SOBP: variants seen among roughly 807,000 people sequenced by gnomAD.
SOBP encodes the protein sine oculis binding protein homolog.
SOBP carries 4 observed loss-of-function variants against 53.6 expected under a neutral mutation model. That is an observed-to-expected ratio of 0.07 (90% CI 0.04 to 0.17). SOBP has a LOEUF of 0.17. Among genes scored for constraint, SOBP ranks in the 10% least tolerant of loss-of-function variants. SOBP has a pLI of 1.00. For synonymous variants in SOBP, 584 were observed against 522.6 expected, an observed-to-expected ratio of 1.12 and a Z score of -1.60; for missense variants, 1,088 against 1,204.7, an observed-to-expected ratio of 0.90 and a Z score of 1.43.
intron 4 of SOBP, among the ~76,000 whole-genome samples, chr6:107,573,497 CA>C (rs982223710): frequency 6.6e-6 from 1 of 152,106 alleles, no homozygotes; most frequent in Non-Finnish European, 1.5e-5. Flanking sequence ...ATCCTTGCAA[CA>C]AATTTCTGAA....
intron 1 of SOBP, among the ~76,000 whole-genome samples, chr6:107,500,428 A>G (rs1782807917): frequency 6.6e-6 from 1 of 152,062 alleles, no homozygotes; most frequent in Non-Finnish European, 1.5e-5. Flanking sequence ...CTTGGATGAT[A>G]ACGTTAAAAA....
chr6:107,546,148 A>G (rs1048154615), intron 4 of SOBP, among the ~76,000 whole-genome samples: 1 of 152,214 alleles, frequency 6.6e-6, no homozygotes, highest in East Asian at 1.9e-4. Flanking sequence ...GAAAGCAACC[A>G]AAAATAGTGA....
chr6:107,490,712 GGT>G lies in SOBP; in HGVS notation c.96+1_96+2del. The G allele has an allele frequency of 3.2e-6, 5 of 1,539,674 alleles. No individual in the cohort carries two copies. The highest frequency in any genetic ancestry group is 3.6e-6 in the Non-Finnish European group (4 of 1,118,734). On this transcript the variant is annotated splice_donor_variant, in intron 1 of 6. Coordinates refer to ENST00000317357, the MANE Select transcript of SOBP (RefSeq NM_018013.4). LOFTEE classifies it high-confidence loss of function. ...AAAGGGAGATCAATGAGGAGATGAAGGTATTTTTTGATCTCGGGGGCCAGGGA... is the reference window on the plus strand; with the variant it reads ...AAAGGGAGATCAATGAGGAGATGAAGATTTTTTGATCTCGGGGGCCAGGGA...
At chr6:107,627,638 AACAG>A (rs1470366643) in intron 5 of SOBP, among the ~76,000 whole-genome samples, 2 of 152,244 alleles carry the variant, frequency 1.3e-5, no homozygotes, top group African/African-American at 4.8e-5. Flanking sequence ...TACAAAGCAA[AACAG>A]ACAAACAAAC....
chr6:107,629,989 T>C (rs1204601774), intron 5 of SOBP, among the ~76,000 whole-genome samples: 1 of 152,232 alleles, frequency 6.6e-6, no homozygotes, highest in African/African-American at 2.4e-5. Flanking sequence ...TTCAGCTGTC[T>C]CGCTCAATGG....
Position 107,634,678 on chromosome 6 carries a change from C to T in SOBP, c.1834C>T (p.Pro612Ser), listed in dbSNP as rs1479913670. 3 of 1,533,186 alleles carry T rather than the reference C, an allele frequency of 2.0e-6. No homozygotes were observed. In the East Asian group the frequency reaches 7.4e-5, roughly 38 times the overall value. 95.0% of individuals were successfully genotyped at this position (1,533,186 alleles called of 1,614,324 possible). A position where few individuals can be genotyped will look rare whatever the true frequency, so the allele number is the denominator to read the frequency against. The change falls in exon 6 of 7, where the codon CCC (proline) becomes TCC (serine). Residue 612 changes from proline to serine, a missense_variant. Pro to Ser is a moderately conservative substitution (Grantham distance 74). Transcript: ENST00000317357. The surrounding 1 kb of genome is among the most constrained non-coding windows in gnomAD (Gnocchi z 4.5). ...CCAGGCCCTGAGCCTGGCGCCCACGCCCGCCGAGCATGGCCGGAGCGAGGT... is the reference window on the plus strand; with the variant it reads ...CCAGGCCCTGAGCCTGGCGCCCACGTCCGCCGAGCATGGCCGGAGCGAGGT... ...SGQALSLAPT[P>S]AEHGRSEVVD...
At chr6:107,539,368 A>G (rs1368381824) in intron 4 of SOBP, among the ~76,000 whole-genome samples, 4 of 152,092 alleles carry the variant, frequency 2.6e-5, no homozygotes, top group Non-Finnish European at 5.9e-5. Context: ...AGCGGAAGGA[A>G]GAGAGGGAGT....
intron 4 of SOBP, among the ~76,000 whole-genome samples, chr6:107,558,553 C>G (rs887576769): frequency 6.6e-6 from 1 of 152,074 alleles, no homozygotes; most frequent in East Asian, 1.9e-4. Flanking sequence ...CAGGTGTGAG[C>G]CACCGCGCCC....
intron 6 of SOBP, among the ~76,000 whole-genome samples, chr6:107,657,067 G>A (rs1439307883): frequency 2.0e-5 from 3 of 152,186 alleles, no homozygotes; most frequent in Non-Finnish European, 4.4e-5. Flanking sequence ...CGCCCACAGC[G>A]GGCCAGACTC....
chr6:107,574,165 G>C (rs1380045311), intron 4 of SOBP, among the ~76,000 whole-genome samples: 1 of 152,080 alleles, frequency 6.6e-6, no homozygotes, highest in Admixed American at 6.5e-5. Context: ...TTAACTCAAA[G>C]GCAAAAGTCT....
In SOBP at chr6:107,660,306, T is replaced by G. The variant is rs927983765; in HGVS notation, c.*2103T>G. 6.6e-6 allele frequency: 1 copy of G among 152,168 alleles called. No individual in the cohort carries two copies. Among genetic ancestry groups the G allele is most frequent in the Non-Finnish European group, 1.5e-5 (1 of 68,036 alleles). The allele number at this position is 152,168 out of a possible 1,614,324, so 9.4% of individuals were successfully genotyped here. A position where few individuals can be genotyped will look rare whatever the true frequency, so the allele number is the denominator to read the frequency against. On this transcript the variant is annotated 3_prime_UTR_variant, in exon 7 of 7. Transcript: ENST00000317357. Reference sequence around the variant, plus strand: ...ATGGTAAGCTACTGGGATGGCACTGTCTCTTCCTGACCTGCTAGACCACGC... The same window carrying G: ...ATGGTAAGCTACTGGGATGGCACTGGCTCTTCCTGACCTGCTAGACCACGC...
chr6:107,516,638 G>T (rs1424818820), intron 3 of SOBP, among the ~76,000 whole-genome samples: 1 of 152,064 alleles, frequency 6.6e-6, no homozygotes, highest in Non-Finnish European at 1.5e-5. Flanking sequence ...TCAATCTACA[G>T]GTTAACTATT....
In SOBP at chr6:107,490,498, C is replaced by G. The variant is rs1227725324; in HGVS notation, c.-119C>G. On this transcript the variant is annotated 5_prime_UTR_variant, in exon 1 of 7. Transcript: ENST00000317357. ...GCGGCTCGGTCCGGCCCCGCCAGCA[C>G]CGCTACCTCCGCCAGCCTCGCCACC... The G allele has an allele frequency of 6.7e-6, 5 of 742,912 alleles. No individual in the cohort carries two copies. Among genetic ancestry groups the G allele is most frequent in the Non-Finnish European group, 1.2e-5 (5 of 427,326 alleles). The allele number at this position is 742,912 out of a possible 1,614,324, so 46.0% of individuals were successfully genotyped here.
At position 107,658,604 on chromosome 6, in the gene SOBP, T is replaced by A. The variant is rs1772171241; in HGVS notation, c.*401T>A. ...ATGATATGGATTGGAACACAAAAAATCTTTTTTTAATCTTTTTAAAAACTG... is the reference window on the plus strand; with the variant it reads ...ATGATATGGATTGGAACACAAAAAAACTTTTTTTAATCTTTTTAAAAACTG... On this transcript the variant is annotated 3_prime_UTR_variant, in exon 7 of 7. Transcript: ENST00000317357. The A allele has an allele frequency of 6.6e-6, 1 of 152,602 alleles. No homozygotes were observed. Among genetic ancestry groups the A allele is most frequent in the Non-Finnish European group, 1.5e-5 (1 of 68,036 alleles). The allele number at this position is 152,602 out of a possible 1,614,324, so 9.5% of individuals were successfully genotyped here. A position where few individuals can be genotyped will look rare whatever the true frequency, so the allele number is the denominator to read the frequency against.
At chr6:107,613,138 C>T (rs1786659082) in intron 5 of SOBP, among the ~76,000 whole-genome samples, 1 of 152,188 alleles carries the variant, frequency 6.6e-6, no homozygotes, top group South Asian at 2.1e-4. Flanking sequence ...CCTGAAGTTT[C>T]CAGAGACCAA....
intron 4 of SOBP, among the ~76,000 whole-genome samples, chr6:107,539,530 G>A (rs1784094577): frequency 6.6e-6 from 1 of 152,122 alleles, no homozygotes; most frequent in Non-Finnish European, 1.5e-5. Flanking sequence ...TTTCTCATCG[G>A]AACTGCCGGT....
chr6:107,636,478 ACTGTGCC>A (rs1771048476), intron 6 of SOBP, among the ~76,000 whole-genome samples: 1 of 152,186 alleles, frequency 6.6e-6, no homozygotes, highest in Non-Finnish European at 1.5e-5. Context: ...AAGCTTAGAT[ACTGTGCC>A]CGAAGCAGAG....
At chr6:107,536,189 C>T (rs755539078) in intron 4 of SOBP, among the ~76,000 whole-genome samples, 2 of 152,118 alleles carry the variant, frequency 1.3e-5, no homozygotes, top group East Asian at 3.8e-4. Flanking sequence ...TTTATGACAG[C>T]CCGCTTCTTG....
At chr6:107,641,803 A>G (rs1771332130) in intron 6 of SOBP, among the ~76,000 whole-genome samples, 2 of 152,202 alleles carry the variant, frequency 1.3e-5, no homozygotes, top group Admixed American at 6.5e-5. Flanking sequence ...TCTGAGGACC[A>G]AAATACGCTG....
Sources: gnomAD v4.1 joint callset for allele counts (sites outside exome capture counted in the v4.1 genomes callset) on GRCh38, gnomAD v4.1.1 for gene constraint, Gnocchi (gnomAD v3.1) non-coding constraint, MANE v1.5 for transcripts, NCBI Gene and HGNC (gene_info 2026-07-23, HGNC 2026-07-21) for gene names.